GPHN: variants seen among roughly 807,000 people sequenced by gnomAD.
GPHN encodes gephyrin.
Under a neutral mutation model 95.5 loss-of-function variants are expected in GPHN, and 17 were observed. The ratio of observed to expected loss-of-function variants is 0.18; its 90% CI spans 0.12 to 0.27. The LOEUF is 0.27. Among genes scored for constraint, GPHN ranks in the 10% least tolerant of loss-of-function variants. The pLI is 1.00. For synonymous variants in GPHN, 320 were observed against 322.5 expected (o/e 0.99, Z 0.08); for missense variants, 660 against 978.1 (o/e 0.67, Z 4.34).
At chr14:67,040,244 C>T (rs1050990845) in intron 10 of GPHN, among the ~76,000 whole-genome samples, 1 of 152,044 alleles carries the variant, frequency 6.6e-6, no homozygotes, top group Admixed American at 6.6e-5. Context: ...TTCATCCAGA[C>T]TCCCCCAAAT....
Position 66,965,202 on chromosome 14 carries a change from C to T in GPHN, c.840C>T (p.Ser280=). ...HHSTDERIPD[S]IISRGVQVLP... ...TTCCCCTTGTTCAGATTCCAGACTC[C>T]ATCATTTCTCGTGGTGTTCAGGTGC... The change falls in exon 9 of 23, where the codon TCC becomes TCT. Residue 280 remains serine, a synonymous_variant. Transcript: ENST00000478722. 6.2e-7 allele frequency: 1 copy of T among 1,612,010 alleles called. No individual in the cohort carries two copies. Among genetic ancestry groups the T allele is most frequent in the Non-Finnish European group, 8.5e-7 (1 of 1,178,160 alleles).
chr14:66,832,589 T>A (rs1369715476), intron 4 of GPHN, among the ~76,000 whole-genome samples: 5 of 142,340 alleles, frequency 3.5e-5, no homozygotes, highest in African/African-American at 5.2e-5. Context: ...GAAAGCAGAA[T>A]TTTTTTTTTT....
chr14:67,349,003 T>C, the GPHN span: 1 of 1,592,460 alleles, frequency 6.3e-7, no homozygotes, highest in Non-Finnish European at 8.6e-7. Flanking sequence ...ACCTCTTTTC[T>C]CCCCAAAGGG....
the GPHN span, among the ~76,000 whole-genome samples, chr14:67,509,320 CTCTCT>C: frequency 2.1e-5 from 2 of 95,816 alleles, no homozygotes; most frequent in Non-Finnish European, 5.6e-5. Context: ...CACATCAACT[CTCTCT>C]TTTTTTTTTT....
the GPHN span, chr14:67,380,715 T>A: frequency 6.3e-7 from 1 of 1,586,014 alleles, no homozygotes; most frequent in Non-Finnish European, 8.6e-7. Context: ...GAAGTACTCA[T>A]TAATAATATT....
intron 6 of GPHN, among the ~76,000 whole-genome samples, chr14:66,922,136 T>C (rs1483337112): frequency 1.3e-5 from 2 of 152,018 alleles, no homozygotes; most frequent in Non-Finnish European, 2.9e-5. Context: ...AAAACCCTTC[T>C]AGACATTGGC....
At chr14:67,309,777 C>T in the GPHN span, among the ~76,000 whole-genome samples, 6 of 152,208 alleles carry the variant, frequency 3.9e-5, no homozygotes, top group East Asian at 3.9e-4. Context: ...GTCTGAGGTG[C>T]GGCATGAGAA....
the GPHN span, among the ~76,000 whole-genome samples, chr14:67,675,825 TG>T: frequency 6.6e-6 from 1 of 152,014 alleles, no homozygotes; most frequent in African/African-American, 2.4e-5. Context: ...ACGTCGGGCA[TG>T]GTGGCTCACG....
intron 5 of GPHN, among the ~76,000 whole-genome samples, chr14:66,911,507 G>C (rs1234507102): frequency 6.6e-6 from 1 of 151,910 alleles, no homozygotes; most frequent in African/African-American, 2.4e-5. Flanking sequence ...GAGAAGAAGG[G>C]ACTTGAGATC....
intron 15 of GPHN, among the ~76,000 whole-genome samples, chr14:67,112,218 C>T (rs970355323): frequency 3.4e-4 from 52 of 152,088 alleles, no homozygotes; most frequent in African/African-American, 1.2e-3. Flanking sequence ...CCAATCCCAT[C>T]CCTAAATAAT....
the GPHN span, chr14:67,201,712 A>G: frequency 2.9e-6 from 1 of 349,808 alleles, no homozygotes; most frequent in South Asian, 2.2e-5. Flanking sequence ...CAAAACCAGG[A>G]TTCTGTTAAT....
At chr14:66,847,234 C>G (rs1004770957) in intron 4 of GPHN, among the ~76,000 whole-genome samples, 5 of 152,056 alleles carry the variant, frequency 3.3e-5, no homozygotes, top group Non-Finnish European at 2.9e-5. Flanking sequence ...ATAGAAATTA[C>G]GACCAGATTT....
chr14:67,149,709 G>C (rs2081137040), intron 18 of GPHN, among the ~76,000 whole-genome samples: 1 of 152,140 alleles, frequency 6.6e-6, no homozygotes, highest in African/African-American at 2.4e-5. Context: ...GTGTCATAGA[G>C]AAAACTAGGG....
chr14:66,545,776 G>T (rs2059559823), intron 1 of GPHN, among the ~76,000 whole-genome samples: 1 of 146,330 alleles, frequency 6.8e-6, no homozygotes, highest in African/African-American at 2.5e-5. Flanking sequence ...CAGCTGGCCG[G>T]GCAGAGGGGC....
At chr14:67,315,268 A>ATTTTTTTTTTTT in the GPHN span, among the ~76,000 whole-genome samples, 1 of 101,590 alleles carries the variant, frequency 9.8e-6, no homozygotes, top group Non-Finnish European at 1.9e-5. Flanking sequence ...CTTATTTTTA[A>ATTTTTTTTTTTT]TTTTTTTTTT....
intron 1 of GPHN, among the ~76,000 whole-genome samples, chr14:66,591,142 G>C (rs958946288): frequency 6.6e-6 from 1 of 152,134 alleles, no homozygotes; most frequent in Non-Finnish European, 1.5e-5. Context: ...ACTTGGTATT[G>C]ATGAAACATA....
the GPHN span, among the ~76,000 whole-genome samples, chr14:67,483,018 T>G: frequency 6.6e-6 from 1 of 152,114 alleles, no homozygotes; most frequent in Non-Finnish European, 1.5e-5. Flanking sequence ...TTTGTTTGTT[T>G]TTTGTTTTTT....
intron 2 of GPHN, among the ~76,000 whole-genome samples, chr14:66,732,605 C>T (rs10136967): frequency 0.31 from 47,298 of 152,098 alleles, 11,184 homozygotes; most frequent in African/African-American, 0.63. Context: ...CAACCTCCGC[C>T]TCCCCGGTTC....
At chr14:67,631,568 TG>T in the GPHN span, among the ~76,000 whole-genome samples, 1 of 151,776 alleles carries the variant, frequency 6.6e-6, no homozygotes, top group South Asian at 2.1e-4. Context: ...CCCAAGTAGC[TG>T]GAACTACAGG....
Sources: gnomAD v4.1 joint callset for allele counts (sites outside exome capture counted in the v4.1 genomes callset) on GRCh38, gnomAD v4.1.1 for gene constraint, MANE v1.5 for transcripts, NCBI Gene and HGNC (gene_info 2026-07-23, HGNC 2026-07-21) for gene names.